SPAST: variants seen among roughly 807,000 people sequenced by gnomAD.
The protein encoded by SPAST is spastic paraplegia 4 (autosomal dominant; spastin).
In SPAST, 30 loss-of-function variants were observed where a neutral mutation model predicts 76.6. The ratio of observed to expected loss-of-function variants is 0.39; its 90% CI spans 0.29 to 0.53. The LOEUF is 0.53. Ranked by LOEUF, SPAST falls within the 20% of genes least tolerant of loss-of-function variation. The probability of loss-of-function intolerance (pLI) is 0.68; values close to 1 mark genes in which losing one functional copy is unlikely to be tolerated. For missense variants in SPAST, 717 were observed against 770.5 expected (o/e 0.93, Z 0.82); for synonymous variants, 305 against 281.0 (o/e 1.09, Z -0.86).
At chr2:32,067,071 T>G (rs1676550106) in intron 1 of SPAST, among the ~76,000 whole-genome samples, 2 of 151,992 alleles carry the variant, frequency 1.3e-5, no homozygotes, top group African/African-American at 2.4e-5. Flanking sequence ...TTTTTATTTG[T>G]TTATTTTTGA....
At chr2:32,097,855 G>A (rs553493021) in intron 3 of SPAST, among the ~76,000 whole-genome samples, 46 of 151,710 alleles carry the variant, frequency 3.0e-4, no homozygotes, top group Non-Finnish European at 4.7e-4. Flanking sequence ...CACCACGCCC[G>A]GATACTTTTT....
intron 14 of SPAST, 44 bp downstream of exon 14, chr2:32,143,459 T>G: frequency 8.7e-7 from 1 of 1,146,254 alleles, no homozygotes; most frequent in Non-Finnish European, 1.3e-6. Flanking sequence ...TTTATTTATT[T>G]TTTGTAAATA....
At chr2:32,105,927 C>T (rs1324216585) in intron 4 of SPAST, among the ~76,000 whole-genome samples, 2 of 152,196 alleles carry the variant, frequency 1.3e-5, no homozygotes, top group South Asian at 4.1e-4. Context: ...CTTGAGGAGG[C>T]AGTCTGTCCG....
At chr2:32,122,187 C>T (rs1679043712) in intron 7 of SPAST, among the ~76,000 whole-genome samples, 3 of 152,050 alleles carry the variant, frequency 2.0e-5, no homozygotes, top group Admixed American at 1.3e-4. Flanking sequence ...GGTTATTTGG[C>T]TTCTCTAGAA....
At chr2:32,102,686 T>C (rs1161030806) in intron 4 of SPAST, among the ~76,000 whole-genome samples, 1 of 152,252 alleles carries the variant, frequency 6.6e-6, no homozygotes, top group African/African-American at 2.4e-5. Context: ...TGAAGGGCTG[T>C]TGAATTTTGT....
At position 32,154,589 on chromosome 2, in the gene SPAST, T is replaced by A. The variant is rs1231019024; in HGVS notation, c.*93T>A. ...TCATCGGCTACAGAAACAGCCTAAG[T>A]TTACAGGACTTTTTAGAGTCTTACA... is the stretch of plus-strand genomic sequence containing the variant. On this transcript the variant is annotated 3_prime_UTR_variant, in exon 17 of 17. Coordinates refer to ENST00000315285, the MANE Select transcript of SPAST (RefSeq NM_014946.4). 2.3e-6 allele frequency: 3 copies of A among 1,307,396 alleles called. No individual in the cohort carries two copies. Among genetic ancestry groups the A allele is most frequent in the Non-Finnish European group, 3.3e-6 (3 of 910,986 alleles). The allele number at this position is 1,307,396 out of a possible 1,614,324, so 81.0% of individuals were successfully genotyped here. A position where few individuals can be genotyped will look rare whatever the true frequency, so the allele number is the denominator to read the frequency against.
chr2:32,121,558 T>TTA (rs1679021269), intron 7 of SPAST, among the ~76,000 whole-genome samples: 3 of 147,602 alleles, frequency 2.0e-5, no homozygotes, highest in Non-Finnish European at 4.5e-5. Flanking sequence ...TTTTTTTTTT[T>TTA]AAGACACAGT....
chr2:32,095,878 G>A (rs866943094), intron 3 of SPAST, among the ~76,000 whole-genome samples: 12 of 152,188 alleles, frequency 7.9e-5, no homozygotes, highest in African/African-American at 1.9e-4. Flanking sequence ...TTGCCGAGGC[G>A]TAAGAGGTAT....
At chr2:32,144,284 CT>C (rs1294464740) in intron 14 of SPAST, among the ~76,000 whole-genome samples, 1 of 152,150 alleles carries the variant, frequency 6.6e-6, no homozygotes, top group Non-Finnish European at 1.5e-5. Flanking sequence ...AGAGAGTGTT[CT>C]TTGCCAAGAT....
intron 9 of SPAST, among the ~76,000 whole-genome samples, chr2:32,134,458 C>T (rs550887634): frequency 7.5e-6 from 1 of 133,926 alleles, no homozygotes; most frequent in Admixed American, 8.0e-5. Flanking sequence ...GCCGAGACTC[C>T]ATCTCAAAAA....
At chr2:32,095,914 G>T (rs1677897942) in intron 3 of SPAST, among the ~76,000 whole-genome samples, 1 of 152,132 alleles carries the variant, frequency 6.6e-6, no homozygotes, top group Admixed American at 6.5e-5. Flanking sequence ...GGCCTGGTTT[G>T]TCATAGGAAG....
In SPAST at chr2:32,063,780, C is replaced by T. The variant is rs913715631; in HGVS notation, c.-52C>T. On this transcript the variant is annotated 5_prime_UTR_variant, in exon 1 of 17. Transcript: ENST00000315285. The stretch of plus-strand genomic sequence containing the variant: ...AGTGGCTGCCGCCGTCGCTTGGTTC[C>T]CGTCGGTCTGCGGGAGGCGGGTTAT... 5.2e-6 allele frequency: 8 copies of T among 1,538,868 alleles called. No individual in the cohort carries two copies. The highest frequency in any genetic ancestry group is 2.0e-5 in the Admixed American group (1 of 51,064).
chr2:32,078,966 T>C (rs966519758), intron 1 of SPAST, among the ~76,000 whole-genome samples: 1 of 152,122 alleles, frequency 6.6e-6, no homozygotes, highest in Non-Finnish European at 1.5e-5. Context: ...GCCCCTCAAG[T>C]AGCTGGGACT....
intron 2 of SPAST, among the ~76,000 whole-genome samples, chr2:32,087,835 A>G (rs527919036): frequency 3.3e-4 from 49 of 147,730 alleles, no homozygotes; most frequent in African/African-American, 1.2e-3. Context: ...AGCTGGGACC[A>G]CAGGCGCACA....
chr2:32,130,304 A>G (rs1020912123), intron 9 of SPAST: 1 of 151,250 alleles, frequency 6.6e-6, no homozygotes, highest in South Asian at 2.1e-4. Context: ...CAAAAACAAA[A>G]CAAAACAAAC....
At chr2:32,147,090 C>T (rs949247870) in intron 15 of SPAST, 128 bp from the exon 16 acceptor site, 5 of 657,218 alleles carry the variant, frequency 7.6e-6, no homozygotes, top group Admixed American at 2.5e-5. Context: ...TAACATGTGT[C>T]TCTTTTTTTT....
chr2:32,065,004 C>T (rs1010974616), intron 1 of SPAST, among the ~76,000 whole-genome samples: 7 of 151,720 alleles, frequency 4.6e-5, no homozygotes, highest in East Asian at 1.9e-4. Flanking sequence ...CTACATCTTT[C>T]GGGTTTCTTT....
At chr2:32,112,060 C>T (rs1678635607) in intron 4 of SPAST, among the ~76,000 whole-genome samples, 1 of 148,776 alleles carries the variant, frequency 6.7e-6, no homozygotes, top group Admixed American at 6.7e-5. Flanking sequence ...TCAAGTGATT[C>T]TCCTGCCTCA....
At chr2:32,137,400 G>A (rs1332643588) in intron 12 of SPAST, among the ~76,000 whole-genome samples, 3 of 152,106 alleles carry the variant, frequency 2.0e-5, no homozygotes, top group South Asian at 4.1e-4. Context: ...GTTTAGTTAC[G>A]GTTTTAGGCA....
Sources: gnomAD v4.1 joint callset for allele counts (sites outside exome capture counted in the v4.1 genomes callset) on GRCh38, gnomAD v4.1.1 for gene constraint, MANE v1.5 for transcripts, NCBI Gene and HGNC (gene_info 2026-07-23, HGNC 2026-07-21) for gene names.